Variants in CREBRF observed in about 807,000 individuals in gnomAD.
CREBRF encodes the protein UPF0474 protein C5orf41.
CREBRF carries 5 observed loss-of-function variants against 66.1 expected under a neutral mutation model. The ratio of observed to expected loss-of-function variants is 0.08; its 90% confidence interval spans 0.04 to 0.16. The LOEUF is 0.16. CREBRF is among the 10% of genes least tolerant of loss of function. CREBRF has a pLI of 1.00. For missense variants in CREBRF, 531 were observed against 744.9 expected, an observed-to-expected ratio of 0.71 and a Z score of 3.34; for synonymous variants, 229 against 264.4, an observed-to-expected ratio of 0.87 and a Z score of 1.30.
At chr5:173,128,422 A>G (rs1313893683) in intron 8 of CREBRF, among the ~76,000 whole-genome samples, 4 of 150,980 alleles carry the variant, frequency 2.6e-5, no homozygotes, top group African/African-American at 7.3e-5. Flanking sequence ...AGATTCCCAC[A>G]TATCGACTAG....
At chr5:173,128,883 C>A (rs1476713018) in intron 8 of CREBRF, among the ~76,000 whole-genome samples, 1 of 151,280 alleles carries the variant, frequency 6.6e-6, no homozygotes, top group Non-Finnish European at 1.5e-5. Flanking sequence ...CGGGCTCACA[C>A]CATTCTCCTG....
At position 173,102,376 on chromosome 5, in the gene CREBRF, C is replaced by T. The variant is rs539039821; in HGVS notation, c.1223-6248C>T. ...TAGACTGGCTTTGCCAAGGAAAGCCCTTCACTTGTCAGGTCATCTAGAGGT... is the reference window on the plus strand; with the variant it reads ...TAGACTGGCTTTGCCAAGGAAAGCCTTTCACTTGTCAGGTCATCTAGAGGT... On this transcript the variant is annotated intron_variant, in intron 4 of 8. Transcript: ENST00000296953. Among the ~76,000 whole-genome samples the T allele has an allele frequency of 3.3e-5, 5 of 152,160 alleles. No individual in the cohort carries two copies. The East Asian group carries it at 9.7e-4, about 29-fold the overall frequency.
chr5:173,122,633 A>T (rs200475250), intron 7 of CREBRF, among the ~76,000 whole-genome samples: 3 of 143,046 alleles, frequency 2.1e-5, no homozygotes, highest in Admixed American at 7.1e-5. Flanking sequence ...GTTTTAGGGT[A>T]CATGTGCACA....
chr5:173,109,844 A>C (rs981331425), intron 5 of CREBRF: 3 of 152,604 alleles, frequency 2.0e-5, no homozygotes, highest in Non-Finnish European at 4.4e-5. Flanking sequence ...TTTTGCCTTC[A>C]GATAAGTTTT....
chr5:173,073,192 G>C (rs1172951720), intron 1 of CREBRF, among the ~76,000 whole-genome samples: 1 of 152,204 alleles, frequency 6.6e-6, no homozygotes, highest in East Asian at 1.9e-4. Context: ...GATAGTCTTT[G>C]TAACAATAGG....
chr5:173,077,506 C>T (rs906422229), intron 1 of CREBRF, among the ~76,000 whole-genome samples: 3 of 152,054 alleles, frequency 2.0e-5, no homozygotes, highest in Admixed American at 6.6e-5. Flanking sequence ...GATTCTCCTG[C>T]CTCAGCCTCC....
At chr5:173,063,239 C>T (rs941039800) in intron 1 of CREBRF, among the ~76,000 whole-genome samples, 1 of 152,154 alleles carries the variant, frequency 6.6e-6, no homozygotes, top group Admixed American at 6.6e-5. Context: ...TACTGCTTTC[C>T]GTACTTAACT....
In CREBRF at chr5:173,112,328, G is replaced by T; in HGVS notation, c.1630G>T (p.Ala544Ser). The T allele has an allele frequency of 6.2e-7, 1 of 1,604,006 alleles. No individual in the cohort carries two copies. Among genetic ancestry groups the T allele is most frequent in the Non-Finnish European group, 8.5e-7 (1 of 1,174,766 alleles). ...CAGAGCTTGTCGGTTAAAGAAGAAAGCCCAGTATGAAGCTAATAAAGTGAA... is the reference window on the plus strand; with the variant it reads ...CAGAGCTTGTCGGTTAAAGAAGAAATCCCAGTATGAAGCTAATAAAGTGAA... ...ASRACRLKKKAQYEANKVKLW... is the reference protein window; with the variant it reads ...ASRACRLKKKSQYEANKVKLW... Residue 544 changes from alanine to serine, a missense_variant, in exon 7 of 9, where the codon GCC becomes TCC. Transcript: ENST00000296953.
intron 6 of CREBRF, 135 bp from the exon 7 acceptor site, chr5:173,112,171 A>G: frequency 3.8e-6 from 2 of 524,388 alleles, no homozygotes; most frequent in East Asian, 6.7e-5. Flanking sequence ...TAGGAGGCCA[A>G]AAAGGGAGGA....
chr5:173,107,792 A>G (rs368839067), intron 4 of CREBRF, among the ~76,000 whole-genome samples: 23 of 150,626 alleles, frequency 1.5e-4, no homozygotes, highest in African/African-American at 5.6e-4. Context: ...GCCTGGCAAC[A>G]TAGTGAGACC....
intron 8 of CREBRF, among the ~76,000 whole-genome samples, chr5:173,129,857 C>A (rs557567880): frequency 6.6e-6 from 1 of 151,920 alleles, no homozygotes; most frequent in Non-Finnish European, 1.5e-5. Context: ...GACAGAGTCT[C>A]GCTCTGTCGC....
At chr5:173,066,046 G>A (rs553712280) in intron 1 of CREBRF, among the ~76,000 whole-genome samples, 2 of 151,776 alleles carry the variant, frequency 1.3e-5, no homozygotes, top group African/African-American at 2.4e-5. Flanking sequence ...TCAAACTCCC[G>A]GTGTCAAACA....
At chr5:173,065,410 G>A (rs1388861707) in intron 1 of CREBRF, among the ~76,000 whole-genome samples, 1 of 152,122 alleles carries the variant, frequency 6.6e-6, no homozygotes, top group Non-Finnish European at 1.5e-5. Context: ...ATTCTCTTCA[G>A]TCTGTTCTAT....
chr5:173,059,523 C>T (rs981352863), intron 1 of CREBRF, among the ~76,000 whole-genome samples: 10 of 152,048 alleles, frequency 6.6e-5, no homozygotes, highest in African/African-American at 2.4e-4. Context: ...CTTGGCCTCC[C>T]AAAGTGCTGG....
intron 1 of CREBRF, among the ~76,000 whole-genome samples, chr5:173,068,450 T>A (rs1052719245): frequency 6.6e-6 from 1 of 152,190 alleles, no homozygotes; most frequent in Non-Finnish European, 1.5e-5. Context: ...GCTCAGATTG[T>A]CCAGAGCCAT....
chr5:173,076,613 CGTG>C (rs1757771419), intron 1 of CREBRF, among the ~76,000 whole-genome samples: 2 of 151,886 alleles, frequency 1.3e-5, no homozygotes, highest in Admixed American at 1.3e-4. Context: ...ATTAGCCAGG[CGTG>C]GTGGTGCTGC....
At chr5:173,092,596 TA>T (rs144281603) in intron 4 of CREBRF, among the ~76,000 whole-genome samples, 6,083 of 151,730 alleles carry the variant, frequency 0.04, 250 homozygotes, top group African/African-American at 0.1. Context: ...AGTTATTATT[TA>T]AAAAAAAACT....
At chr5:173,128,629 C>T (rs774745701) in intron 8 of CREBRF, among the ~76,000 whole-genome samples, 8 of 151,866 alleles carry the variant, frequency 5.3e-5, no homozygotes, top group African/African-American at 7.2e-5. Context: ...TTTATCATCA[C>T]GAAGTACACT....
intron 6 of CREBRF, among the ~76,000 whole-genome samples, 164 bp from the exon 7 acceptor site, chr5:173,112,142 G>A (rs1329488454): frequency 3.3e-5 from 5 of 152,184 alleles, no homozygotes; most frequent in Non-Finnish European, 5.9e-5. Context: ...GGTGCCTCAT[G>A]CCTATAATCC....
Sources: allele counts gnomAD v4.1 joint callset (sites outside exome capture counted in the v4.1 genomes callset), GRCh38; gene constraint gnomAD v4.1.1; transcripts MANE v1.5; gene names NCBI Gene and HGNC (gene_info 2026-07-23, HGNC 2026-07-21).